Variants in KAZN observed in about 807,000 individuals in gnomAD.
KAZN encodes the protein kazrin, periplakin interacting protein.
Under a neutral mutation model 87.4 loss-of-function variants are expected in KAZN, and 40 were observed. That is an observed-to-expected ratio of 0.46 (90% CI 0.36 to 0.60). The LOEUF (loss-of-function observed/expected upper bound fraction) is 0.60, where lower values mean the gene tolerates loss of function less well. KAZN is among the 20% of genes least tolerant of loss of function. The pLI, the probability that KAZN is intolerant of heterozygous loss-of-function variation, is 0.00. For synonymous variants in KAZN, 466 were observed against 458.3 expected, an observed-to-expected ratio of 1.02 and a Z score of -0.22; for missense variants, 898 against 1,073.9, an observed-to-expected ratio of 0.84 and a Z score of 2.29.
At chr1:14,498,944 G>A (rs368628371) in intron 2 of KAZN, among the ~76,000 whole-genome samples, 20 of 152,052 alleles carry the variant, frequency 1.3e-4, no homozygotes, top group East Asian at 7.8e-4. Context: ...GCCTGTCCTC[G>A]GTGCTTTGTC....
In KAZN at chr1:13,954,321, C is replaced by T. The variant is rs1641463078; in HGVS notation, c.91+60565C>T. Among the ~76,000 whole-genome samples the T allele has an allele frequency of 2.6e-5, 4 of 152,212 alleles. No individual in the cohort carries two copies. In the South Asian group the frequency reaches 8.3e-4, roughly 32 times the overall value. ...GGCATTGCTTCCAGCTGATGACATT[C>T]TGGGAGCTTTTTTGTTGAATTAAAA... On this transcript the variant is annotated intron_variant, in intron 1 of 16. Coordinates refer to the KAZN transcript ENST00000636203.
chr1:14,329,290 T>TG (rs1422999584), intron 2 of KAZN, among the ~76,000 whole-genome samples: 2 of 151,986 alleles, frequency 1.3e-5, no homozygotes, highest in Admixed American at 6.6e-5. Flanking sequence ...TGGCTTAGCT[T>TG]GGGGGATGTT....
chr1:13,997,173 T>A (rs77649701), intron 1 of KAZN, among the ~76,000 whole-genome samples: 3 of 151,246 alleles, frequency 2.0e-5, no homozygotes, highest in Admixed American at 6.6e-5. Context: ...AACACCATCA[T>A]CAACAACAAC....
At chr1:14,524,555 C>A (rs1010094668) in intron 2 of KAZN, among the ~76,000 whole-genome samples, 1 of 152,116 alleles carries the variant, frequency 6.6e-6, no homozygotes, top group Non-Finnish European at 1.5e-5. Context: ...TAAAAATAAA[C>A]AATATTTTAA....
At chr1:14,419,081 G>A (rs934324625) in intron 2 of KAZN, among the ~76,000 whole-genome samples, 1 of 152,154 alleles carries the variant, frequency 6.6e-6, no homozygotes, top group Admixed American at 6.5e-5. Context: ...GAGCCGTATT[G>A]AGCATTTTCA....
At chr1:14,642,227 G>T (rs757315297) in intron 1 of KAZN, among the ~76,000 whole-genome samples, 3 of 152,020 alleles carry the variant, frequency 2.0e-5, no homozygotes, top group African/African-American at 7.2e-5. Context: ...GTGAAACCCC[G>T]TCTCTACTAA....
At position 14,923,694 on chromosome 1, in the gene KAZN, G is replaced by T. The variant is rs754485912; in HGVS notation, c.227-36990G>T. Among the ~76,000 whole-genome samples the T allele has an allele frequency of 1.3e-5, 2 of 152,154 alleles. No homozygotes were observed. The highest frequency in any genetic ancestry group is 2.4e-5 in the African/African-American group (1 of 41,430). On this transcript the variant is annotated intron_variant, in intron 1 of 14. Transcript: ENST00000376030. The surrounding 1 kb of genome is among the most constrained non-coding windows in gnomAD (Gnocchi z 4.2). ...CATTCCCCTCACTTAGAGGATGGCC[G>T]GTCACACGCAAAGATGAGCGAAGGA... is the stretch of plus-strand genomic sequence containing the variant.
intron 1 of KAZN, among the ~76,000 whole-genome samples, chr1:13,901,143 C>T (rs971689801): frequency 2.6e-5 from 4 of 152,138 alleles, no homozygotes; most frequent in East Asian, 3.9e-4. Flanking sequence ...AGCCACCCCC[C>T]GTCCCCTCCA....
chr1:14,161,039 C>A (rs1258925226), intron 1 of KAZN, among the ~76,000 whole-genome samples: 3 of 152,192 alleles, frequency 2.0e-5, no homozygotes, highest in African/African-American at 7.2e-5. Flanking sequence ...TCTCTCTTTA[C>A]TCTGGAAGAA....
chr1:14,378,004 C>A (rs1661052231), intron 2 of KAZN, among the ~76,000 whole-genome samples: 1 of 152,158 alleles, frequency 6.6e-6, no homozygotes. Context: ...TCCTAGTAGG[C>A]CAACCATTGC....
intron 1 of KAZN, among the ~76,000 whole-genome samples, chr1:14,040,971 C>T (rs1222368171): frequency 1.3e-5 from 2 of 151,990 alleles, no homozygotes; most frequent in Non-Finnish European, 2.9e-5. Flanking sequence ...TTTATTTTAA[C>T]CAAGTAATGC....
intron 2 of KAZN, among the ~76,000 whole-genome samples, chr1:14,190,868 A>C (rs1001450465): frequency 3.3e-5 from 5 of 152,188 alleles, no homozygotes; most frequent in Non-Finnish European, 5.9e-5. Context: ...CACTTATAAG[A>C]AATAATAAAG....
chr1:15,056,437 T>C lies in KAZN; in HGVS notation c.916+157T>C, dbSNP rs12566970. On this transcript the variant is annotated intron_variant, in intron 5 of 14. Coordinates refer to ENST00000376030, the MANE Select transcript of KAZN (RefSeq NM_201628.3). The surrounding 1 kb of genome is among the most constrained non-coding windows in gnomAD (Gnocchi z 5.4). ...TCATGTAACTGAAAAATCTAAGAGA[T>C]GGACAGCAGGCATAGCTGGATCCAG... is the stretch of plus-strand genomic sequence containing the variant. 0.061 allele frequency among the ~76,000 whole-genome samples: 9,222 copies of C among 152,234 alleles called. 303 individuals carry two copies. Among genetic ancestry groups the C allele is most frequent in the Middle Eastern group, 0.15 (45 of 294 alleles).
intron 1 of KAZN, among the ~76,000 whole-genome samples, chr1:14,765,452 C>T (rs10754869): frequency 0.92 from 139,596 of 152,208 alleles, 64,456 homozygotes; most frequent in African/African-American, 0.98. Flanking sequence ...GGTCCTTGTC[C>T]CCCAGATCTA....
intron 2 of KAZN, among the ~76,000 whole-genome samples, chr1:14,198,454 G>A (rs1269388886): frequency 6.6e-6 from 1 of 152,160 alleles, no homozygotes; most frequent in Non-Finnish European, 1.5e-5. Flanking sequence ...ATAAAAATTA[G>A]CTGGGCATGG....
intron 2 of KAZN, among the ~76,000 whole-genome samples, chr1:14,548,323 C>CAA (rs779766785): frequency 6.6e-5 from 10 of 151,860 alleles, no homozygotes; most frequent in Non-Finnish European, 1.3e-4. Context: ...CTCAGCCTCC[C>CAA]AAGTAGCTGG....
chr1:14,279,841 G>C (rs753446236), intron 2 of KAZN, among the ~76,000 whole-genome samples: 1 of 152,138 alleles, frequency 6.6e-6, no homozygotes, highest in Non-Finnish European at 1.5e-5. Context: ...ATAAGGTGAG[G>C]GTCACAGAAG....
chr1:14,062,249 G>C (rs982389611), intron 1 of KAZN, among the ~76,000 whole-genome samples: 8 of 152,102 alleles, frequency 5.3e-5, no homozygotes, highest in African/African-American at 1.9e-4. Context: ...CAAAAACGAC[G>C]GGACAGAGTC....
chr1:14,235,902 C>T (rs1648378773), intron 2 of KAZN, among the ~76,000 whole-genome samples: 1 of 152,124 alleles, frequency 6.6e-6, no homozygotes, highest in Non-Finnish European at 1.5e-5. Flanking sequence ...ACAGGAGCAG[C>T]TTTTTGGGTT....
Sources: gnomAD v4.1 joint callset for allele counts (sites outside exome capture counted in the v4.1 genomes callset) on GRCh38, gnomAD v4.1.1 for gene constraint, Gnocchi (gnomAD v3.1) non-coding constraint, MANE v1.5 for transcripts, NCBI Gene and HGNC (gene_info 2026-07-23, HGNC 2026-07-21) for gene names.